PCDHA5: variants seen among roughly 807,000 people sequenced by gnomAD.
PCDHA5 encodes the protein protocadherin alpha 5.
PCDHA5 carries 43 observed loss-of-function variants against 61.6 expected under a neutral mutation model. The observed-to-expected ratio is 0.70, with a 90% CI of 0.55 to 0.90. The LOEUF is 0.90. PCDHA5 is among the 40% of genes least tolerant of loss of function. The pLI is 0.00. For synonymous variants in PCDHA5, 627 were observed against 543.9 expected, an observed-to-expected ratio of 1.15 and a Z score of -2.13; for missense variants, 1,298 against 1,222.7, an observed-to-expected ratio of 1.06 and a Z score of -0.92.
chr5:140,910,183 A>C (rs2074920018), intron 1 of PCDHA5, among the ~76,000 whole-genome samples: 1 of 152,238 alleles, frequency 6.6e-6, no homozygotes, highest in Non-Finnish European at 1.5e-5. Context: ...TTTATAATTC[A>C]AATTAGTCTT....
At chr5:140,875,590 A>G (rs1554167782) in intron 1 of PCDHA5, 4 of 1,613,992 alleles carry the variant, frequency 2.5e-6, no homozygotes, top group Non-Finnish European at 3.4e-6. Flanking sequence ...CGAGGAGGCC[A>G]AACACGGCAC....
intron 1 of PCDHA5, chr5:140,926,592 C>T: frequency 3.3e-6 from 1 of 298,858 alleles, no homozygotes; most frequent in Non-Finnish European, 6.1e-6. Flanking sequence ...CGCGCCCGGG[C>T]GGGCGGCCTC....
rs139974024 is a variant in PCDHA5 at position 140,967,301 on chromosome 5, G to A, written c.2353-11648G>A. 5.0e-5 allele frequency: 81 copies of A among 1,612,148 alleles called. No homozygotes were observed. In the African/African-American group the frequency reaches 9.1e-4, roughly 18 times the overall value. ...GAGTGCGCAGGACCCCGACGTGGGC[G>A]CCAACTCAGTACAGACCTACGAGCT... On this transcript the variant is annotated intron_variant, in intron 1 of 3. Coordinates refer to ENST00000529859, the MANE Select transcript of PCDHA5 (RefSeq NM_018908.3).
At chr5:140,830,305 G>T (rs2150184776) in intron 1 of PCDHA5, 2 of 1,613,830 alleles carry the variant, frequency 1.2e-6, no homozygotes, top group Non-Finnish European at 1.7e-6. Flanking sequence ...ACAAGCCCAC[G>T]CTGGTGTGCT....
chr5:140,947,585 G>C (rs773594834), intron 1 of PCDHA5, among the ~76,000 whole-genome samples: 5 of 151,544 alleles, frequency 3.3e-5, no homozygotes, highest in Non-Finnish European at 3.0e-5. Context: ...TTAACATTTA[G>C]ATCAATTTAG....
intron 1 of PCDHA5, chr5:140,847,434 A>T (rs1554141788): frequency 1.3e-5 from 2 of 149,796 alleles, no homozygotes; most frequent in East Asian, 3.9e-4. Flanking sequence ...TAGACTTGAG[A>T]TACACTAAAA....
intron 1 of PCDHA5, among the ~76,000 whole-genome samples, chr5:140,976,124 C>G (rs1554237320): frequency 6.6e-6 from 1 of 152,158 alleles, no homozygotes. Flanking sequence ...CAAGTTTAAT[C>G]AAGTTCTGGA....
chr5:140,872,816 T>C (rs1204141018), intron 1 of PCDHA5, among the ~76,000 whole-genome samples: 2 of 152,190 alleles, frequency 1.3e-5, no homozygotes, highest in African/African-American at 4.8e-5. Context: ...GTTTTTCAGA[T>C]TCATCTAGCA....
chr5:140,955,676 C>T (rs374545278), intron 1 of PCDHA5, among the ~76,000 whole-genome samples: 40 of 152,096 alleles, frequency 2.6e-4, no homozygotes, highest in African/African-American at 8.7e-4. Context: ...ATAGTTTTTT[C>T]GAAATCTGTG....
chr5:140,869,211 G>C (rs375218342), intron 1 of PCDHA5: 26 of 1,613,838 alleles, frequency 1.6e-5, no homozygotes, highest in African/African-American at 1.5e-4. Flanking sequence ...ACTCCGTCTC[G>C]GAGGAGGCCA....
In PCDHA5 at chr5:140,850,498, C is replaced by G; in HGVS notation, c.2352+26371C>G. The G allele has an allele frequency of 1.3e-6, 2 of 1,598,138 alleles. 1 individual carries two copies. The highest frequency in any genetic ancestry group is 4.5e-5 in the East Asian group (2 of 44,830). ...ACGGCCACGGCCACTGTGCTGGTGT[C>G]GCTGGTGGAGAGCGGCCAGGCGCCA... On this transcript the variant is annotated intron_variant, in intron 1 of 3. Transcript: ENST00000529859.
intron 1 of PCDHA5, chr5:140,859,181 G>A (rs1006816858): frequency 6.7e-6 from 1 of 149,700 alleles, no homozygotes; most frequent in Admixed American, 6.7e-5. Context: ...ATCAGCATTA[G>A]GCATTGCTTA....
At chr5:140,864,520 C>T (rs1354044181) in intron 1 of PCDHA5, 1 of 152,154 alleles carries the variant, frequency 6.6e-6, no homozygotes, top group Admixed American at 6.5e-5. Context: ...GGTGATTTTA[C>T]TTCTTAATTT....
At chr5:140,927,741 C>T (rs782292892) in intron 1 of PCDHA5, 1 of 1,614,244 alleles carries the variant, frequency 6.2e-7, no homozygotes, top group East Asian at 2.2e-5. Flanking sequence ...TGCGACACCG[C>T]TTTCACGTGC....
intron 1 of PCDHA5, among the ~76,000 whole-genome samples, chr5:140,903,632 C>T (rs1554191062): frequency 6.6e-6 from 1 of 152,134 alleles, no homozygotes. Context: ...CATATGTATG[C>T]ATATACCATA....
At chr5:140,845,196 T>C (rs1470721997) in intron 1 of PCDHA5, among the ~76,000 whole-genome samples, 3 of 149,356 alleles carry the variant, frequency 2.0e-5, no homozygotes, top group African/African-American at 7.4e-5. Flanking sequence ...AATATGATTG[T>C]TTTCATTTAA....
At chr5:140,836,432 G>T in intron 1 of PCDHA5, 3 of 1,613,830 alleles carry the variant, frequency 1.9e-6, no homozygotes, top group South Asian at 1.1e-5. Flanking sequence ...CGCGGGCATC[G>T]TTGGGCATTG....
chr5:140,862,656 C>T, intron 1 of PCDHA5: 1 of 545,296 alleles, frequency 1.8e-6, no homozygotes, highest in Admixed American at 1.9e-5. Flanking sequence ...CCGCGCGGGA[C>T]CGGGACGCGC....
chr5:140,946,353 A>C (rs2093933429), intron 1 of PCDHA5, among the ~76,000 whole-genome samples: 1 of 151,910 alleles, frequency 6.6e-6, no homozygotes, highest in Admixed American at 6.6e-5. Context: ...GAGGATGTGG[A>C]GAAAAGGGAA....
Sources: gnomAD v4.1 joint callset for allele counts (sites outside exome capture counted in the v4.1 genomes callset) on GRCh38, gnomAD v4.1.1 for gene constraint, MANE v1.5 for transcripts, NCBI Gene and HGNC (gene_info 2026-07-23, HGNC 2026-07-21) for gene names.